TUBGCP3: variants seen among roughly 807,000 people sequenced by gnomAD.
TUBGCP3 encodes the protein gamma-tubulin complex component 3.
A neutral mutation model predicts 123.1 loss-of-function variants in TUBGCP3; 50 were observed. The observed-to-expected ratio is 0.41, with a 90% CI of 0.32 to 0.51. The LOEUF is 0.51. Ranked by LOEUF, TUBGCP3 falls within the 20% of genes least tolerant of loss-of-function variation. The pLI, the probability that TUBGCP3 is intolerant of heterozygous loss-of-function variation, is 0.36. For synonymous variants in TUBGCP3, 405 were observed against 413.9 expected, an observed-to-expected ratio of 0.98 and a Z score of 0.26; for missense variants, 882 against 1,127.0, an observed-to-expected ratio of 0.78 and a Z score of 3.11.
chr13:112,564,756 C>T (rs1880821155), intron 3 of TUBGCP3, among the ~76,000 whole-genome samples: 1 of 152,126 alleles, frequency 6.6e-6, no homozygotes, highest in Non-Finnish European at 1.5e-5. Flanking sequence ...CAAATTATGA[C>T]CCAATGAATA....
chr13:112,562,379 T>A (rs973705149), intron 3 of TUBGCP3, among the ~76,000 whole-genome samples: 1 of 152,212 alleles, frequency 6.6e-6, no homozygotes, highest in Admixed American at 6.5e-5. Flanking sequence ...GAGATCAGGC[T>A]GGAGACAGCA....
chr13:112,604,566 G>C, the TUBGCP3 span: 1 of 152,296 alleles, frequency 6.6e-6, no homozygotes, highest in African/African-American at 2.4e-5. Flanking sequence ...CCAAAGTGCT[G>C]TAATTACAGA....
At chr13:112,547,553 GT>G in intron 10 of TUBGCP3, 66 bp downstream of exon 10, 3 of 785,358 alleles carry the variant, frequency 3.8e-6, no homozygotes, top group Non-Finnish European at 4.9e-6. Context: ...AAAGTCGCGC[GT>G]GGGAAAGTCG....
At chr13:112,493,555 C>T (rs1449537466) in intron 20 of TUBGCP3, among the ~76,000 whole-genome samples, 1 of 149,446 alleles carries the variant, frequency 6.7e-6, no homozygotes, top group African/African-American at 2.5e-5. Flanking sequence ...GGGAACAGGG[C>T]CTGGTGTCCC....
In TUBGCP3 at chr13:112,580,362, G is replaced by A. The variant is rs116934719; in HGVS notation, c.76+7543C>T. Among the ~76,000 whole-genome samples, 694 of 151,902 alleles carry A rather than the reference G, an allele frequency of 4.6e-3. 3 individuals carry two copies. The highest frequency in any genetic ancestry group is 7.4e-3 in the Non-Finnish European group (503 of 67,972). The stretch of plus-strand genomic sequence containing the variant: ...ATCATTAAAAAAAAGTCAGCCCTGC[G>A]TGGTGGCTCACACCTGTAATTGCAA... On this transcript the variant is annotated intron_variant, in intron 1 of 21. Coordinates refer to ENST00000261965, the MANE Select transcript of TUBGCP3 (RefSeq NM_006322.6).
chr13:112,545,411 C>T lies in TUBGCP3; in HGVS notation c.1335+288G>A, dbSNP rs940448869. The T allele has an allele frequency of 2.8e-5, 10 of 354,912 alleles. No individual in the cohort carries two copies. The highest frequency in any genetic ancestry group is 7.6e-5 in the Admixed American group (2 of 26,270). 22.0% of individuals were successfully genotyped at this position (354,912 alleles called of 1,614,324 possible). On this transcript the variant is annotated intron_variant, in intron 11 of 21. Transcript: ENST00000261965. The surrounding 1 kb of genome is among the most constrained non-coding windows in gnomAD (Gnocchi z 4.1). The stretch of plus-strand genomic sequence containing the variant: ...GACTGCCCCAAGACTCAGGAGGCCT[C>T]GTCCTGTTTTGCCATCCACGTGCTA...
chr13:112,544,224 C>T (rs9604352), intron 11 of TUBGCP3, among the ~76,000 whole-genome samples: 2,088 of 151,856 alleles, frequency 0.014, 39 homozygotes, highest in African/African-American at 0.047. Context: ...GAGGCCAAGG[C>T]GGGCAGATCA....
At chr13:112,550,679 A>T (rs552974282) in intron 8 of TUBGCP3, among the ~76,000 whole-genome samples, 1 of 152,366 alleles carries the variant, frequency 6.6e-6, no homozygotes, top group East Asian at 1.9e-4. Flanking sequence ...CAGTTTTCTT[A>T]GGTAATATTT....
chr13:112,564,977 C>T (rs78143012), intron 3 of TUBGCP3, 134 bp downstream of exon 3: 42,948 of 665,060 alleles, frequency 0.065, 1,614 homozygotes, highest in Non-Finnish European at 0.079. Flanking sequence ...AAAGCAAATG[C>T]TATCTATAAT....
In TUBGCP3 at chr13:112,519,814, C is replaced by T; in HGVS notation, c.1881+72G>A. On this transcript the variant is annotated intron_variant, in intron 15 of 21. Coordinates refer to ENST00000261965, the MANE Select transcript of TUBGCP3 (RefSeq NM_006322.6). This position sits in a 1 kb window ranked among gnomAD's most constrained non-coding sequence, Gnocchi z 6.2. The stretch of plus-strand genomic sequence containing the variant: ...TGTGCCTGAAACAACATGGAAAACA[C>T]TCGCTAGAACACCCCGGCCCAGTGG... 3.3e-6 allele frequency: 5 copies of T among 1,517,370 alleles called. No homozygotes were observed. The highest frequency in any genetic ancestry group is 4.4e-6 in the Non-Finnish European group (5 of 1,132,552). The allele number at this position is 1,517,370 out of a possible 1,614,324, so 94.0% of individuals were successfully genotyped here.
At chr13:112,589,817 A>C (rs190089503), upstream of TUBGCP3, among the ~76,000 whole-genome samples, 343 of 152,334 alleles carry the variant, frequency 2.3e-3, 2 homozygotes, top group African/African-American at 7.8e-3. Flanking sequence ...CAAAAAGATC[A>C]AACCATTTTG....
the TUBGCP3 span, among the ~76,000 whole-genome samples, chr13:112,596,058 C>T: frequency 6.6e-6 from 1 of 152,150 alleles, no homozygotes. Context: ...ACGCAATCTC[C>T]TTTTATGTCC....
At chr13:112,562,012 G>A (rs1325226717) in intron 3 of TUBGCP3, among the ~76,000 whole-genome samples, 1 of 152,164 alleles carries the variant, frequency 6.6e-6, no homozygotes, top group Non-Finnish European at 1.5e-5. Context: ...ACGGAAACAG[G>A]GAAACCACAG....
the TUBGCP3 span, among the ~76,000 whole-genome samples, chr13:112,594,148 C>A: frequency 6.6e-6 from 1 of 152,166 alleles, no homozygotes; most frequent in Non-Finnish European, 1.5e-5. Context: ...GACAAAATAA[C>A]ACTTCCCAAA....
At chr13:112,527,175 T>A in intron 12 of TUBGCP3, 125 bp from the exon 13 acceptor site, 6 of 860,726 alleles carry the variant, frequency 7.0e-6, no homozygotes, top group South Asian at 5.1e-5. Context: ...TGCTACAGTA[T>A]GGAGCGAATT....
Position 112,554,140 on chromosome 13 carries a change from A to C in TUBGCP3, c.883T>G (p.Ser295Ala). 2 of 1,614,206 alleles carry C rather than the reference A, an allele frequency of 1.2e-6. No homozygotes were observed. The highest frequency in any genetic ancestry group is 1.7e-6 in the Non-Finnish European group (2 of 1,180,028). The change falls in exon 8 of 22, where the codon TCT becomes GCT. Residue 295 changes from serine (S) to alanine (A), a missense_variant. By Grantham distance (99) the Ser-to-Ala change is moderately conservative (BLOSUM62 1). This residue lies in a region of TUBGCP3 where 713 missense variants were observed against 874.0 expected (regional missense o/e 0.82). Transcript: ENST00000261965. ...RSLRDTAVRL[S>A]ELGWLHNKIR... ...TTATTATGCAACCATCCCAACTCAG[A>C]AAGCCTGACTGCTGTGTCTCTCAAA...
At chr13:112,500,894 C>T (rs1219751848) in intron 19 of TUBGCP3, among the ~76,000 whole-genome samples, 2 of 152,224 alleles carry the variant, frequency 1.3e-5, no homozygotes, top group African/African-American at 4.8e-5. Flanking sequence ...TAAGTCACAG[C>T]AGCACCGTTC....
At chr13:112,599,782 G>T in the TUBGCP3 span, among the ~76,000 whole-genome samples, 1 of 152,080 alleles carries the variant, frequency 6.6e-6, no homozygotes, top group Non-Finnish European at 1.5e-5. Flanking sequence ...GCCTCCCAAA[G>T]TGCTGGGATT....
chr13:112,529,791 G>A (rs1180291276), intron 11 of TUBGCP3, among the ~76,000 whole-genome samples: 1 of 152,186 alleles, frequency 6.6e-6, no homozygotes, highest in South Asian at 2.1e-4. Flanking sequence ...GCCCTGTGAT[G>A]CATGGCAGCT....
Sources: gnomAD v4.1 joint callset for allele counts (sites outside exome capture counted in the v4.1 genomes callset) on GRCh38, gnomAD v4.1.1 for gene constraint, gnomAD v4.1.1 regional missense constraint, Gnocchi (gnomAD v3.1) non-coding constraint, MANE v1.5 for transcripts, NCBI Gene and HGNC (gene_info 2026-07-23, HGNC 2026-07-21) for gene names.